Variants in CLVS1 observed in about 807,000 individuals in gnomAD.
CLVS1 encodes the protein clavesin 1, also known as clavesin-1.
A neutral mutation model predicts 33.1 loss-of-function variants in CLVS1; 10 were observed. The observed-to-expected ratio is 0.30, with a 90% CI of 0.19 to 0.51. The LOEUF (loss-of-function observed/expected upper bound fraction) is 0.51. Ranked by LOEUF, CLVS1 falls within the 20% of genes least tolerant of loss-of-function variation. The probability of loss-of-function intolerance (pLI) is 0.97; values close to 1 mark genes in which losing one functional copy is unlikely to be tolerated. For synonymous variants in CLVS1, 163 were observed against 166.1 expected, an observed-to-expected ratio of 0.98 and a Z score of 0.14; for missense variants, 343 against 433.4, an observed-to-expected ratio of 0.79 and a Z score of 1.85.
chr8:61,040,182 T>G, the CLVS1 span, among the ~76,000 whole-genome samples: 1 of 152,262 alleles, frequency 6.6e-6, no homozygotes, highest in African/African-American at 2.4e-5. Flanking sequence ...TTTCATTCTT[T>G]TTAATGTCTG....
At chr8:61,402,657 T>A (rs1814816236) in intron 3 of CLVS1, among the ~76,000 whole-genome samples, 1 of 152,220 alleles carries the variant, frequency 6.6e-6, no homozygotes, top group South Asian at 2.1e-4. Flanking sequence ...GCTAACAATA[T>A]TCTAGGTACT....
intron 1 of CLVS1, among the ~76,000 whole-genome samples, chr8:61,131,273 CA>C (rs1406534331): frequency 2.0e-5 from 3 of 152,142 alleles, no homozygotes; most frequent in Admixed American, 6.5e-5. Flanking sequence ...AGAATGGATT[CA>C]AGACAGAGAA....
the CLVS1 span, among the ~76,000 whole-genome samples, chr8:60,978,317 G>T: frequency 6.6e-6 from 1 of 152,194 alleles, no homozygotes; most frequent in African/African-American, 2.4e-5. Context: ...TAATTGAATA[G>T]GCAAATGCAT....
chr8:61,308,428 T>G (rs1810709155), intron 2 of CLVS1, among the ~76,000 whole-genome samples: 1 of 152,038 alleles, frequency 6.6e-6, no homozygotes. Context: ...AGACTGCAAG[T>G]GGGTTTCTTG....
chr8:61,433,549 A>T (rs973992998), intron 3 of CLVS1, among the ~76,000 whole-genome samples: 2 of 152,160 alleles, frequency 1.3e-5, no homozygotes, highest in African/African-American at 4.8e-5. Flanking sequence ...AACTAAATAG[A>T]TAATTATAAT....
intron 3 of CLVS1, among the ~76,000 whole-genome samples, chr8:61,409,316 T>A (rs1815125862): frequency 6.6e-6 from 1 of 152,228 alleles, no homozygotes; most frequent in Non-Finnish European, 1.5e-5. Context: ...TTGTGTTACA[T>A]AAACAGAAGT....
Position 61,361,736 on chromosome 8 carries a change from G to A in CLVS1, c.456-14869G>A, listed in dbSNP as rs374410746. ...AGGCCAACTATCCCATGTGGAAACAGCTATCCAGATCACTCATGTTTGGAA... is the reference window on the plus strand; with the variant it reads ...AGGCCAACTATCCCATGTGGAAACAACTATCCAGATCACTCATGTTTGGAA... On this transcript the variant is annotated intron_variant, in intron 2 of 5. Transcript: ENST00000325897. 2.1e-3 allele frequency among the ~76,000 whole-genome samples: 322 copies of A among 152,198 alleles called. 2 individuals carry two copies. Among genetic ancestry groups the A allele is most frequent in the African/African-American group, 7.2e-3 (297 of 41,538 alleles).
chr8:61,366,433 T>G (rs1813216142), intron 2 of CLVS1, among the ~76,000 whole-genome samples: 2 of 152,214 alleles, frequency 1.3e-5, no homozygotes, highest in African/African-American at 2.4e-5. Context: ...TAAACCAGAA[T>G]CAAATCTGTT....
At chr8:61,134,479 T>C (rs1806156382) in intron 2 of CLVS1, among the ~76,000 whole-genome samples, 2 of 152,240 alleles carry the variant, frequency 1.3e-5, no homozygotes, top group Non-Finnish European at 2.9e-5. Flanking sequence ...CATGTAATAA[T>C]TTTATGAAAT....
intron 2 of CLVS1, among the ~76,000 whole-genome samples, chr8:61,374,464 A>C (rs778759410): frequency 1.3e-5 from 2 of 152,120 alleles, no homozygotes; most frequent in Non-Finnish European, 2.9e-5. Flanking sequence ...GGGCATTTCC[A>C]TTTGGAATTG....
At chr8:61,115,474 C>T (rs900667261) in intron 1 of CLVS1, among the ~76,000 whole-genome samples, 1 of 151,914 alleles carries the variant, frequency 6.6e-6, no homozygotes, top group Non-Finnish European at 1.5e-5. Context: ...GCACTGCACC[C>T]ACTAACTCGT....
chr8:61,325,035 C>A lies in CLVS1; in HGVS notation c.455+24753C>A, dbSNP rs533266630. 9.2e-5 allele frequency among the ~76,000 whole-genome samples: 14 copies of A among 152,246 alleles called. No individual in the cohort carries two copies. In the South Asian group the frequency reaches 2.5e-3, roughly 27 times the overall value. On this transcript the variant is annotated intron_variant, in intron 2 of 5. Coordinates refer to ENST00000325897, the MANE Select transcript of CLVS1 (RefSeq NM_173519.3). Reference sequence around the variant, plus strand: ...TTTGAAGTCCAACTGGGCCATATTGCCTACTTTAGGGACAGAAAATGTTCT... The same window carrying A: ...TTTGAAGTCCAACTGGGCCATATTGACTACTTTAGGGACAGAAAATGTTCT...
At chr8:61,255,625 A>T (rs1809061911) in intron 2 of CLVS1, among the ~76,000 whole-genome samples, 1 of 152,220 alleles carries the variant, frequency 6.6e-6, no homozygotes, top group South Asian at 2.1e-4. Context: ...GTAGATTTCT[A>T]AGCACAAAAA....
intron 2 of CLVS1, among the ~76,000 whole-genome samples, chr8:61,237,300 A>G (rs897764412): frequency 2.6e-5 from 4 of 152,084 alleles, no homozygotes; most frequent in African/African-American, 9.7e-5. Context: ...AAAAAAAAGG[A>G]GGCCAGGCAT....
chr8:61,325,958 A>G (rs542581179), intron 2 of CLVS1, among the ~76,000 whole-genome samples: 3 of 152,270 alleles, frequency 2.0e-5, no homozygotes, highest in Admixed American at 6.5e-5. Context: ...CCACAAGTTT[A>G]TTAGGTACAC....
chr8:61,005,858 C>T, the CLVS1 span, among the ~76,000 whole-genome samples: 3 of 152,162 alleles, frequency 2.0e-5, no homozygotes, highest in Non-Finnish European at 2.9e-5. Flanking sequence ...AAATCACAAA[C>T]TAATTTATGT....
intron 3 of CLVS1, among the ~76,000 whole-genome samples, chr8:61,425,245 G>T (rs181392623): frequency 2.0e-5 from 3 of 152,124 alleles, no homozygotes; most frequent in African/African-American, 7.2e-5. Flanking sequence ...TTCTGTTTAA[G>T]GTACTTTGCA....
At chr8:61,065,102 G>T (rs556930602) in intron 1 of CLVS1, among the ~76,000 whole-genome samples, 1 of 152,298 alleles carries the variant, frequency 6.6e-6, no homozygotes, top group South Asian at 2.1e-4. Context: ...GTGGGCAATT[G>T]GTTCCAGGAC....
chr8:61,175,704 G>A (rs1156234825), intron 2 of CLVS1, among the ~76,000 whole-genome samples: 1 of 152,178 alleles, frequency 6.6e-6, no homozygotes, highest in Non-Finnish European at 1.5e-5. Flanking sequence ...AGGATTGCCA[G>A]CAACCACCAG....
Sources: allele counts gnomAD v4.1 joint callset (sites outside exome capture counted in the v4.1 genomes callset), GRCh38; gene constraint gnomAD v4.1.1; transcripts MANE v1.5; gene names NCBI Gene and HGNC (gene_info 2026-07-23, HGNC 2026-07-21).